PCDHGA11: variants seen among roughly 807,000 people sequenced by gnomAD.
The protein encoded by PCDHGA11 is protocadherin gamma subfamily A, 11, also known as protocadherin gamma-A11.
Under a neutral mutation model 60.4 loss-of-function variants are expected in PCDHGA11, and 39 were observed. The observed-to-expected ratio is 0.65, with a 90% CI of 0.50 to 0.84. PCDHGA11 has a LOEUF of 0.84. Ranked by LOEUF, PCDHGA11 falls within the 40% of genes least tolerant of loss-of-function variation. The probability of loss-of-function intolerance (pLI) is 0.00; values close to 1 mark genes in which losing one functional copy is unlikely to be tolerated. For missense variants in PCDHGA11, 1,165 were observed against 1,197.7 expected, an observed-to-expected ratio of 0.97 and a Z score of 0.40; for synonymous variants, 533 against 510.3, an observed-to-expected ratio of 1.04 and a Z score of -0.60.
chr5:141,427,628 G>A (rs1308356581), intron 1 of PCDHGA11: 2 of 700,966 alleles, frequency 2.9e-6, no homozygotes, highest in Admixed American at 2.0e-5. Flanking sequence ...ACAATGCTCC[G>A]GTTTTCCACC....
At chr5:141,465,747 A>G (rs2099108470) in intron 1 of PCDHGA11, among the ~76,000 whole-genome samples, 2 of 151,126 alleles carry the variant, frequency 1.3e-5, no homozygotes, top group African/African-American at 4.9e-5. Flanking sequence ...TCAGGATCAG[A>G]CTGGTAAAGT....
chr5:141,425,127 A>G (rs1353123394), intron 1 of PCDHGA11, among the ~76,000 whole-genome samples: 2 of 152,208 alleles, frequency 1.3e-5, no homozygotes, highest in Non-Finnish European at 2.9e-5. Flanking sequence ...CTTGAAGTCA[A>G]GAAAAATGTT....
chr5:141,465,519 T>C (rs2099104752), intron 1 of PCDHGA11, among the ~76,000 whole-genome samples: 1 of 152,224 alleles, frequency 6.6e-6, no homozygotes, highest in East Asian at 1.9e-4. Context: ...GGAAGGATTC[T>C]GGGGAAGTTT....
intron 2 of PCDHGA11, among the ~76,000 whole-genome samples, chr5:141,501,907 G>T (rs4912761): frequency 0.59 from 89,145 of 151,782 alleles, 27,774 homozygotes; most frequent in African/African-American, 0.8. Context: ...CAACCCCACT[G>T]TTCCACTCAG....
intron 3 of PCDHGA11, among the ~76,000 whole-genome samples, chr5:141,506,879 G>T (rs958969109): frequency 6.6e-6 from 1 of 152,172 alleles, no homozygotes; most frequent in Non-Finnish European, 1.5e-5. Flanking sequence ...AGAACCAGGT[G>T]AAATCACAAG....
intron 1 of PCDHGA11, among the ~76,000 whole-genome samples, chr5:141,472,405 G>A (rs1207849470): frequency 6.6e-6 from 1 of 152,086 alleles, no homozygotes; most frequent in Non-Finnish European, 1.5e-5. Flanking sequence ...GCCAGGCGTG[G>A]TGGCACGCAC....
chr5:141,456,446 T>C (rs1053843910), intron 1 of PCDHGA11, among the ~76,000 whole-genome samples: 2 of 151,782 alleles, frequency 1.3e-5, no homozygotes, highest in Admixed American at 1.3e-4. Context: ...GTATACAGAG[T>C]CCAAATATCA....
At chr5:141,443,759 A>G (rs1055796439) in intron 1 of PCDHGA11, among the ~76,000 whole-genome samples, 2 of 152,228 alleles carry the variant, frequency 1.3e-5, no homozygotes, top group African/African-American at 2.4e-5. Flanking sequence ...GAAGCTTACA[A>G]TATACAATAT....
chr5:141,490,331 C>G lies in PCDHGA11; in HGVS notation c.2434-4476C>G. 6.2e-7 allele frequency: 1 copy of G among 1,614,214 alleles called. No individual in the cohort carries two copies. The highest frequency in any genetic ancestry group is 1.1e-5 in the South Asian group (1 of 91,086). The stretch of plus-strand genomic sequence containing the variant: ...GCCAACCCTGTCCTAGAGAGCACAC[C>G]AGTGGGCACAGTAGTGGGGTTGTTT... On this transcript the variant is annotated intron_variant, in intron 1 of 3. Transcript: ENST00000398587. This position sits in a 1 kb window ranked among gnomAD's most constrained non-coding sequence, Gnocchi z 5.4.
At chr5:141,430,383 GA>G (rs139772145) in intron 1 of PCDHGA11, among the ~76,000 whole-genome samples, 3,229 of 138,382 alleles carry the variant, frequency 0.023, 41 homozygotes, top group African/African-American at 0.033. Flanking sequence ...AGCTCATTGG[GA>G]AAAAAAAAAA....
rs751563833 is a variant in PCDHGA11 at position 141,421,382 on chromosome 5, A to T, written c.155A>T (p.Asp52Val). 5.6e-6 allele frequency: 9 copies of T among 1,613,906 alleles called. No homozygotes were observed. The South Asian group carries it at 8.8e-5, about 16-fold the overall frequency. ...TCCTTCGTGGGCAATATCTCCAAGG[A>T]CCTGGGGCTGGAGCCCCGGGAGCTG... ...KGSFVGNISKDLGLEPRELAK... is the reference protein window; with the variant it reads ...KGSFVGNISKVLGLEPRELAK... Residue 52 changes from aspartate to valine, a missense_variant, in exon 1 of 4, where the codon GAC (aspartate) becomes GTC (valine). Physicochemically the swap from Asp to Val is radical, Grantham distance 152. Transcript: ENST00000398587.
chr5:141,465,643 C>T (rs561758040), intron 1 of PCDHGA11, among the ~76,000 whole-genome samples: 2 of 152,306 alleles, frequency 1.3e-5, no homozygotes, highest in East Asian at 3.9e-4. Flanking sequence ...ATGCTTTGAA[C>T]ATCCCAAAAA....
chr5:141,432,538 G>C lies in PCDHGA11; in HGVS notation c.2433+8878G>C, dbSNP rs200601557. The C allele has an allele frequency of 2.5e-5, 40 of 1,614,026 alleles. No individual in the cohort carries two copies. The highest frequency in any genetic ancestry group is 1.5e-4 in the Admixed American group (9 of 60,032). On this transcript the variant is annotated intron_variant, in intron 1 of 3. Coordinates refer to ENST00000398587, the MANE Select transcript of PCDHGA11 (RefSeq NM_018914.3). This position sits in a 1 kb window ranked among gnomAD's most constrained non-coding sequence, Gnocchi z 6.0. ...GCTACCTGGTGACCAAGGTGGTGGC[G>C]GTGGACAGAGACTCCGGCCAGAACG...
Position 141,431,581 on chromosome 5 carries a change from T to A in PCDHGA11, c.2433+7921T>A, listed in dbSNP as rs749863807. Reference sequence around the variant, plus strand: ...CTACCGACCCTGACGAAGGAGTCAATGCGGAAGTGAGGTATTCCTTCCGGT... The same window carrying A: ...CTACCGACCCTGACGAAGGAGTCAAAGCGGAAGTGAGGTATTCCTTCCGGT... On this transcript the variant is annotated intron_variant, in intron 1 of 3. Coordinates refer to ENST00000398587, the MANE Select transcript of PCDHGA11 (RefSeq NM_018914.3). This position sits in a 1 kb window ranked among gnomAD's most constrained non-coding sequence, Gnocchi z 4.8. 3.1e-6 allele frequency: 5 copies of A among 1,614,160 alleles called. No individual in the cohort carries two copies. In the South Asian group the frequency reaches 5.5e-5, roughly 18 times the overall value.
chr5:141,431,053 G>A lies in PCDHGA11; in HGVS notation c.2433+7393G>A, dbSNP rs1208370015. On this transcript the variant is annotated intron_variant, in intron 1 of 3. Coordinates refer to ENST00000398587, the MANE Select transcript of PCDHGA11 (RefSeq NM_018914.3). This position sits in a 1 kb window ranked among gnomAD's most constrained non-coding sequence, Gnocchi z 4.8. ...TAGACCGGGAGGAGCTCTGTATGGG[G>A]GCCATCAAGTGTCAATTAAATCTAG... 1 of 1,614,174 alleles carries A rather than the reference G, an allele frequency of 6.2e-7. No homozygotes were observed. Among genetic ancestry groups the A allele is most frequent in the Admixed American group, 1.7e-5 (1 of 60,030 alleles).
intron 1 of PCDHGA11, among the ~76,000 whole-genome samples, chr5:141,433,940 T>C (rs1315031506): frequency 6.6e-6 from 1 of 152,192 alleles, no homozygotes; most frequent in African/African-American, 2.4e-5. Flanking sequence ...TATAATTCCA[T>C]TGTTTCTTCT....
At chr5:141,441,763 G>A in intron 1 of PCDHGA11, 1 of 384,020 alleles carries the variant, frequency 2.6e-6, no homozygotes, top group Non-Finnish European at 5.2e-6. Flanking sequence ...GTGAGCCTGC[G>A]CGTGTTGGTG....
In PCDHGA11 at chr5:141,491,832, C is replaced by A; in HGVS notation, c.2434-2975C>A. On this transcript the variant is annotated intron_variant, in intron 1 of 3. Coordinates refer to ENST00000398587, the MANE Select transcript of PCDHGA11 (RefSeq NM_018914.3). The surrounding 1 kb of genome is among the most constrained non-coding windows in gnomAD (Gnocchi z 6.9). ...GTCGCTGGCTGCGCTCCACCCGATT[C>A]TCGGGATCATTGGACCGTTTGCGCG... 6.8e-7 allele frequency: 1 copy of A among 1,474,424 alleles called. No individual in the cohort carries two copies. 91.3% of individuals were successfully genotyped at this position (1,474,424 alleles called of 1,614,324 possible).
At chr5:141,443,317 C>A (rs898636207) in intron 1 of PCDHGA11, among the ~76,000 whole-genome samples, 39 of 142,046 alleles carry the variant, frequency 2.7e-4, no homozygotes, top group Non-Finnish European at 2.5e-4. Context: ...CCCATCTCTA[C>A]AAAAAAAAAA....
Sources: allele counts gnomAD v4.1 joint callset (sites outside exome capture counted in the v4.1 genomes callset), GRCh38; gene constraint gnomAD v4.1.1; non-coding constraint Gnocchi (gnomAD v3.1); transcripts MANE v1.5; gene names NCBI Gene and HGNC (gene_info 2026-07-23, HGNC 2026-07-21).